Variants in THRB observed in about 807,000 individuals in gnomAD.
THRB encodes nuclear receptor subfamily 1 group A member 2.
A neutral mutation model predicts 47.8 loss-of-function variants in THRB; 12 were observed. The ratio of observed to expected loss-of-function variants is 0.25; its 90% CI spans 0.16 to 0.41. The LOEUF (loss-of-function observed/expected upper bound fraction) is 0.41. Among genes scored for constraint, THRB ranks in the 10% least tolerant of loss-of-function variants. THRB has a pLI of 1.00. For synonymous variants in THRB, 218 were observed against 212.2 expected, an observed-to-expected ratio of 1.03 and a Z score of -0.24; for missense variants, 348 against 589.2, an observed-to-expected ratio of 0.59 and a Z score of 4.24.
chr3:24,484,566 T>C (rs1577929938), intron 1 of THRB, among the ~76,000 whole-genome samples: 1 of 152,222 alleles, frequency 6.6e-6, no homozygotes, highest in African/African-American at 2.4e-5. Flanking sequence ...ACTAGAAGAA[T>C]TTAAACTACA....
chr3:24,169,965 C>A (rs778401511), intron 5 of THRB, among the ~76,000 whole-genome samples: 1 of 152,058 alleles, frequency 6.6e-6, no homozygotes, highest in Non-Finnish European at 1.5e-5. Context: ...GTTTGCCAAG[C>A]CCTGCTCTAG....
chr3:24,495,516 C>G (rs1698892366), upstream of THRB: 1 of 152,556 alleles, frequency 6.6e-6, no homozygotes, highest in African/African-American at 2.4e-5. Context: ...TAATCCCGGC[C>G]GTGCCCTCCC....
chr3:24,225,693 A>G (rs1576081787), intron 4 of THRB, among the ~76,000 whole-genome samples: 1 of 152,230 alleles, frequency 6.6e-6, no homozygotes, highest in East Asian at 1.9e-4. Flanking sequence ...TATGCTGAGG[A>G]TCACGGTTTT....
chr3:24,355,584 T>G (rs1024035735), intron 1 of THRB, among the ~76,000 whole-genome samples: 5 of 152,148 alleles, frequency 3.3e-5, no homozygotes, highest in Non-Finnish European at 7.4e-5. Flanking sequence ...CACTTAGGAA[T>G]GAGGGCATAA....
At chr3:24,408,411 C>A (rs1013528375) in intron 1 of THRB, among the ~76,000 whole-genome samples, 4 of 151,832 alleles carry the variant, frequency 2.6e-5, no homozygotes, top group African/African-American at 9.7e-5. Context: ...TTGTACCATT[C>A]TGCTGTTGTG....
At position 24,118,259 on chromosome 3, in the gene THRB, A is replaced by G. The variant is rs1201930700; in HGVS notation, c.*4625T>C. On this transcript the variant is annotated 3_prime_UTR_variant, in exon 11 of 11. Transcript: ENST00000646209. ...TTTTAGAATTTAAGCTTATGAGTTTATCTACGCCCACTATATTCATAATTA... is the reference window on the plus strand; with the variant it reads ...TTTTAGAATTTAAGCTTATGAGTTTGTCTACGCCCACTATATTCATAATTA... The G allele has an allele frequency of 6.6e-6, 1 of 152,482 alleles. No homozygotes were observed. Among genetic ancestry groups the G allele is most frequent in the African/African-American group, 2.4e-5 (1 of 41,296 alleles). The allele number at this position is 152,482 out of a possible 1,614,324, so 9.4% of individuals were successfully genotyped here.
intron 1 of THRB, among the ~76,000 whole-genome samples, chr3:24,455,732 TATTAATAG>T (rs1469370691): frequency 6.6e-6 from 1 of 152,206 alleles, no homozygotes; most frequent in Non-Finnish European, 1.5e-5. Flanking sequence ...TGGGGTCTTT[TATTAATAG>T]GCAGAGAAAA....
At chr3:24,239,311 C>A (rs982740898) in intron 3 of THRB, among the ~76,000 whole-genome samples, 13 of 152,004 alleles carry the variant, frequency 8.6e-5, no homozygotes, top group Non-Finnish European at 1.9e-4. Flanking sequence ...ATTCCAGTGG[C>A]TTTCTGTGAG....
intron 1 of THRB, among the ~76,000 whole-genome samples, chr3:24,395,658 G>A (rs909616010): frequency 6.6e-6 from 1 of 152,080 alleles, no homozygotes; most frequent in African/African-American, 2.4e-5. Context: ...TTATATGCTG[G>A]TGAAGGGAAT....
chr3:24,357,218 G>C (rs1218581526), intron 1 of THRB, among the ~76,000 whole-genome samples: 3 of 149,388 alleles, frequency 2.0e-5, no homozygotes, highest in Admixed American at 1.3e-4. Context: ...AGAGCTTCAA[G>C]GGATGTCTAA....
At chr3:24,430,357 T>C (rs531596968) in intron 1 of THRB, among the ~76,000 whole-genome samples, 1 of 152,200 alleles carries the variant, frequency 6.6e-6, no homozygotes, top group East Asian at 1.9e-4. Flanking sequence ...AGGCTTTGCA[T>C]TGAAGATCAA....
intron 1 of THRB, among the ~76,000 whole-genome samples, chr3:24,488,477 G>A (rs1488001072): frequency 6.6e-6 from 1 of 151,366 alleles, no homozygotes; most frequent in Admixed American, 6.6e-5. Flanking sequence ...AAAACATGCA[G>A]ATCAGCAAGA....
chr3:24,431,314 T>A (rs897534231), intron 1 of THRB, among the ~76,000 whole-genome samples: 1 of 149,898 alleles, frequency 6.7e-6, no homozygotes, highest in African/African-American at 2.5e-5. Flanking sequence ...ATAATTACTA[T>A]GAATCAAAAG....
Position 24,190,186 on chromosome 3 carries a change from A to T in THRB, c.171T>A (p.His57Gln), listed in dbSNP as rs749708494. The change falls in exon 5 of 11, where the codon CAT becomes CAA. Residue 57 changes from histidine (H) to glutamine (Q), a missense_variant. Physicochemically the swap from His to Gln is conservative, Grantham distance 24. Transcript: ENST00000646209. ...STLKNEQSSP[H>Q]LIQTTWTSSI... ...AGCTAGTCCAAGTGGTCTGGATGAGATGTGGCGACGACTGTTCATTTTTCA... is the reference window on the plus strand; with the variant it reads ...AGCTAGTCCAAGTGGTCTGGATGAGTTGTGGCGACGACTGTTCATTTTTCA... 1.7e-5 allele frequency: 27 copies of T among 1,614,104 alleles called. No homozygotes were observed. The African/African-American group carries it at 3.6e-4, about 22-fold the overall frequency.
chr3:24,283,163 A>T (rs2054819753), intron 3 of THRB, among the ~76,000 whole-genome samples: 1 of 152,214 alleles, frequency 6.6e-6, no homozygotes. Context: ...TCCTTGATGA[A>T]CATTGATGCA....
chr3:24,192,593 A>G (rs116241936), intron 4 of THRB, among the ~76,000 whole-genome samples: 25 of 152,272 alleles, frequency 1.6e-4, no homozygotes, highest in African/African-American at 5.5e-4. Context: ...CCCTAGGGAA[A>G]CAATGCTTGG....
chr3:24,222,128 C>G (rs957640666), intron 4 of THRB, among the ~76,000 whole-genome samples: 3 of 152,096 alleles, frequency 2.0e-5, no homozygotes, highest in African/African-American at 7.2e-5. Flanking sequence ...CTTGATTTGC[C>G]CCTTATTATG....
chr3:24,348,733 G>C (rs575745480), intron 1 of THRB: 1 of 152,080 alleles, frequency 6.6e-6, no homozygotes, highest in South Asian at 2.1e-4. Context: ...CAACACACTG[G>C]GATTGGAAGA....
At chr3:24,309,318 G>A (rs1200958051) in intron 2 of THRB, among the ~76,000 whole-genome samples, 1 of 152,154 alleles carries the variant, frequency 6.6e-6, no homozygotes, top group Non-Finnish European at 1.5e-5. Flanking sequence ...AAGTGTTAGC[G>A]GAATAAAGTT....
Sources: gnomAD v4.1 joint callset for allele counts (sites outside exome capture counted in the v4.1 genomes callset) on GRCh38, gnomAD v4.1.1 for gene constraint, MANE v1.5 for transcripts, NCBI Gene and HGNC (gene_info 2026-07-23, HGNC 2026-07-21) for gene names.